ATP11A: variants seen among roughly 807,000 people sequenced by gnomAD.
ATP11A encodes phospholipid-transporting ATPase IH.
In ATP11A, 81 loss-of-function variants were observed where a neutral mutation model predicts 154.4. That is an observed-to-expected ratio of 0.52 (90% CI 0.44 to 0.63). The LOEUF (loss-of-function observed/expected upper bound fraction) is 0.63, where lower values mean the gene tolerates loss of function less well. Among genes scored for constraint, ATP11A ranks in the 30% least tolerant of loss-of-function variants. The pLI is 0.00. For missense variants in ATP11A, 1,316 were observed against 1,474.3 expected (o/e 0.89, Z 1.76); for synonymous variants, 623 against 585.9 (o/e 1.06, Z -0.91).
In ATP11A at chr13:112,824,330, C is replaced by T; in HGVS notation, c.791-14C>T. ...TTGCGCCCTGGTCATCACCCTTGCT[C>T]TTCCTCTCTGTAGGTGTGGCTATTT... On this transcript the variant is annotated splice_polypyrimidine_tract_variant and intron_variant, in intron 9 of 29. Transcript: ENST00000375645. The T allele has an allele frequency of 6.2e-7, 1 of 1,609,806 alleles. No homozygotes were observed. Among genetic ancestry groups the T allele is most frequent in the Non-Finnish European group, 8.5e-7 (1 of 1,176,094 alleles).
intron 17 of ATP11A, among the ~76,000 whole-genome samples, chr13:112,848,938 T>C (rs888427441): frequency 6.6e-6 from 1 of 152,240 alleles, no homozygotes; most frequent in African/African-American, 2.4e-5. Flanking sequence ...TCTGCCCACC[T>C]CAGCCTCCCA....
intron 1 of ATP11A, among the ~76,000 whole-genome samples, chr13:112,779,105 T>TGAG (rs1233585777): frequency 2.3e-5 from 1 of 43,116 alleles, no homozygotes; most frequent in African/African-American, 1.2e-4. Context: ...GCCACTGGAG[T>TGAG]GAGTAGCCAC....
At chr13:112,863,576 A>G (rs1464322024) in intron 25 of ATP11A, among the ~76,000 whole-genome samples, 3 of 149,600 alleles carry the variant, frequency 2.0e-5, no homozygotes, top group African/African-American at 4.9e-5. Context: ...CATGGGCAGT[A>G]ATTCAGTGCG....
intron 1 of ATP11A, among the ~76,000 whole-genome samples, chr13:112,708,085 G>A (rs1460688794): frequency 1.3e-5 from 2 of 152,182 alleles, no homozygotes; most frequent in Admixed American, 6.5e-5. Context: ...ATTGGGCTGC[G>A]AAGTTTTGCC....
At chr13:112,801,487 G>A (rs918644186) in intron 2 of ATP11A, among the ~76,000 whole-genome samples, 1 of 152,226 alleles carries the variant, frequency 6.6e-6, no homozygotes, top group Non-Finnish European at 1.5e-5. Flanking sequence ...AGATTGGGAA[G>A]GAAGGAATAA....
At chr13:112,811,161 A>AACACACACACACACACACACAAACAC (rs1392664308) in intron 5 of ATP11A, among the ~76,000 whole-genome samples, 8 of 115,576 alleles carry the variant, frequency 6.9e-5, no homozygotes, top group African/African-American at 2.5e-4. Flanking sequence ...TGCCCCTTCC[A>AACACACACACACACACACACAAACAC]ACACACACAC....
chr13:112,794,251 T>G (rs1388030255), intron 2 of ATP11A, among the ~76,000 whole-genome samples: 3 of 152,220 alleles, frequency 2.0e-5, no homozygotes, highest in Non-Finnish European at 4.4e-5. Context: ...CATTACATTG[T>G]GTCCCCAGGC....
At chr13:112,761,608 TGGGTACTATCTCGGATTCA>T (rs1594586960) in intron 1 of ATP11A, among the ~76,000 whole-genome samples, 1 of 144,180 alleles carries the variant, frequency 6.9e-6, no homozygotes, top group East Asian at 2.0e-4. Context: ...CACATAGGTT[TGGGTACTATCTCGGATTCA>T]GGAGTCCCCT....
At chr13:112,841,863 G>A (rs996083805) in intron 16 of ATP11A, among the ~76,000 whole-genome samples, 14 of 152,238 alleles carry the variant, frequency 9.2e-5, no homozygotes, top group South Asian at 2.1e-4. Context: ...GAGGTGGCCC[G>A]GCTGCCTTGC....
chr13:112,809,003 A>G (rs2078410138), intron 4 of ATP11A, among the ~76,000 whole-genome samples: 1 of 152,072 alleles, frequency 6.6e-6, no homozygotes, highest in African/African-American at 2.4e-5. Flanking sequence ...CTTTTCGGGG[A>G]TCCTGGGTGT....
At chr13:112,783,888 C>G (rs181960541) in intron 1 of ATP11A, among the ~76,000 whole-genome samples, 3 of 152,312 alleles carry the variant, frequency 2.0e-5, no homozygotes, top group Admixed American at 6.5e-5. Flanking sequence ...ATACAGTGTT[C>G]CGAGTAATAC....
At chr13:112,772,109 T>G (rs2077239560) in intron 1 of ATP11A, among the ~76,000 whole-genome samples, 1 of 152,236 alleles carries the variant, frequency 6.6e-6, no homozygotes, top group Admixed American at 6.5e-5. Context: ...TTTTTTTTAA[T>G]TTGTTTATTA....
intron 1 of ATP11A, among the ~76,000 whole-genome samples, chr13:112,721,374 A>G (rs905442735): frequency 2.6e-5 from 4 of 152,202 alleles, no homozygotes; most frequent in African/African-American, 9.7e-5. Context: ...GAGAAAACGT[A>G]CCTTTGCTCA....
rs897169067 is a variant in ATP11A, at chr13:112,754,652, C to T, written c.40-30483C>T. The T allele has an allele frequency of 2.0e-5, 3 of 152,706 alleles. No homozygotes were observed. The highest frequency in any genetic ancestry group is 2.9e-5 in the Non-Finnish European group (2 of 68,390). The allele number at this position is 152,706 out of a possible 1,614,324, so 9.5% of individuals were successfully genotyped here. On this transcript the variant is annotated intron_variant, in intron 1 of 29. Coordinates refer to ENST00000375645, the MANE Select transcript of ATP11A (RefSeq NM_015205.3). The surrounding 1 kb of genome is among the most constrained non-coding windows in gnomAD (Gnocchi z 5.3). ...CCCCAGACTCCTGGGAAGCTGTTCC[C>T]CCACGTTCTGTACTCCACTCACAGG...
intron 25 of ATP11A, 64 bp downstream of exon 25, chr13:112,862,639 G>A: frequency 6.2e-7 from 1 of 1,605,448 alleles, no homozygotes; most frequent in East Asian, 2.2e-5. Flanking sequence ...AAGCCCATAT[G>A]ATGATTTTGC....
Position 112,859,488 on chromosome 13 carries a change from G to A in ATP11A, c.2727+36G>A, listed in dbSNP as rs1439243586. ...GGGTCTTCAGGGACAGGCTGTCTGA[G>A]CCTTCTTTTCCTTCCCGCAGTGGGT... On this transcript the variant is annotated intron_variant, in intron 23 of 29. Coordinates refer to ENST00000375645, the MANE Select transcript of ATP11A (RefSeq NM_015205.3). This position sits in a 1 kb window ranked among gnomAD's most constrained non-coding sequence, Gnocchi z 4.3. 5.1e-6 allele frequency: 8 copies of A among 1,579,284 alleles called. No homozygotes were observed. In the South Asian group the frequency reaches 8.9e-5, roughly 17 times the overall value.
intron 2 of ATP11A, among the ~76,000 whole-genome samples, chr13:112,792,320 A>G (rs1301282323): frequency 6.6e-6 from 1 of 152,004 alleles, no homozygotes; most frequent in African/African-American, 2.4e-5. Context: ...ACAGCTCAGG[A>G]TGTGTGAAAA....
At chr13:112,698,979 C>T (rs977688691) in intron 1 of ATP11A, among the ~76,000 whole-genome samples, 3 of 152,304 alleles carry the variant, frequency 2.0e-5, no homozygotes, top group South Asian at 2.1e-4. Flanking sequence ...CCATCTGCCT[C>T]GGCCTCCCAA....
At chr13:112,857,087 C>T (rs80246314) in intron 20 of ATP11A, among the ~76,000 whole-genome samples, 441 of 152,294 alleles carry the variant, frequency 2.9e-3, no homozygotes, top group African/African-American at 0.01. Flanking sequence ...TCATGTATTC[C>T]ATAGTACTTT....
Sources: gnomAD v4.1 joint callset for allele counts (sites outside exome capture counted in the v4.1 genomes callset) on GRCh38, gnomAD v4.1.1 for gene constraint, Gnocchi (gnomAD v3.1) non-coding constraint, MANE v1.5 for transcripts, NCBI Gene and HGNC (gene_info 2026-07-23, HGNC 2026-07-21) for gene names.